RPN2: variants seen among roughly 807,000 people sequenced by gnomAD.
RPN2 encodes ribophorin II, also known as dolichyl-diphosphooligosaccharide--protein glycosyltransferase subunit 2.
Under a neutral mutation model 71.4 loss-of-function variants are expected in RPN2, and 29 were observed. That is an observed-to-expected ratio of 0.41 (90% CI 0.30 to 0.55). The LOEUF (loss-of-function observed/expected upper bound fraction) is 0.55, where lower values mean the gene tolerates loss of function less well. RPN2 is among the 20% of genes least tolerant of loss of function. The pLI, the probability that RPN2 is intolerant of heterozygous loss-of-function variation, is 0.35. For missense variants in RPN2, 726 were observed against 774.1 expected, an observed-to-expected ratio of 0.94 and a Z score of 0.74; for synonymous variants, 308 against 305.0, an observed-to-expected ratio of 1.01 and a Z score of -0.10.
chr20:37,231,388 C>T (rs1227246018), intron 13 of RPN2, among the ~76,000 whole-genome samples: 2 of 151,742 alleles, frequency 1.3e-5, no homozygotes, highest in Non-Finnish European at 1.5e-5. Flanking sequence ...AAAAAAAAAC[C>T]AAGAAATACC....
intron 4 of RPN2, among the ~76,000 whole-genome samples, chr20:37,201,857 T>C (rs1600771979): frequency 6.6e-6 from 1 of 152,282 alleles, no homozygotes; most frequent in Non-Finnish European, 1.5e-5. Flanking sequence ...TTGTCTTGAA[T>C]GGAAAAAAAG....
chr20:37,218,150 G>A (rs899907452), intron 9 of RPN2, among the ~76,000 whole-genome samples: 4 of 152,156 alleles, frequency 2.6e-5, no homozygotes, highest in Non-Finnish European at 4.4e-5. Context: ...GAGCCACCAC[G>A]CTTGTAATCC....
Position 37,207,542 on chromosome 20 carries a change from C to A in RPN2, c.867+93C>A, listed in dbSNP as rs558063882. On this transcript the variant is annotated intron_variant, in intron 7 of 16. Coordinates refer to ENST00000237530, the MANE Select transcript of RPN2 (RefSeq NM_002951.5). ...GGACTATGGTCACAGCCAATTACAG[C>A]CCCTACAAGGACATACCCATTAAAT... 49 of 1,206,342 alleles carry A rather than the reference C, an allele frequency of 4.1e-5. No homozygotes were observed. In the East Asian group the frequency reaches 7.9e-4, roughly 19 times the overall value. 74.7% of individuals were successfully genotyped at this position (1,206,342 alleles called of 1,614,324 possible).
chr20:37,210,608 G>A (rs1238257770), intron 8 of RPN2, among the ~76,000 whole-genome samples: 15 of 147,192 alleles, frequency 1.0e-4, no homozygotes, highest in South Asian at 4.3e-4. Flanking sequence ...TCAGCTCACC[G>A]CAACGTCTGC....
chr20:37,216,346 T>A (rs779386762), intron 9 of RPN2, among the ~76,000 whole-genome samples: 23 of 152,228 alleles, frequency 1.5e-4, no homozygotes, highest in South Asian at 4.1e-4. Context: ...CTCAAAAAAA[T>A]AAATAAATAA....
chr20:37,218,264 A>G (rs556247921), intron 9 of RPN2, among the ~76,000 whole-genome samples: 1 of 152,102 alleles, frequency 6.6e-6, no homozygotes, highest in East Asian at 1.9e-4. Context: ...ATTTAAAAAT[A>G]AATTAGCCAT....
chr20:37,202,860 T>C (rs1049034026), intron 4 of RPN2, among the ~76,000 whole-genome samples: 7 of 152,150 alleles, frequency 4.6e-5, no homozygotes, highest in Admixed American at 1.3e-4. Flanking sequence ...TCCGTAGAGA[T>C]AGAACATAGA....
intron 8 of RPN2, among the ~76,000 whole-genome samples, chr20:37,210,606 C>G (rs1327129333): frequency 6.6e-6 from 1 of 151,098 alleles, no homozygotes; most frequent in Admixed American, 6.6e-5. Context: ...TCTCAGCTCA[C>G]CGCAACGTCT....
chr20:37,199,698 AT>A (rs1445878371), intron 4 of RPN2, among the ~76,000 whole-genome samples: 1 of 152,202 alleles, frequency 6.6e-6, no homozygotes, highest in Admixed American at 6.5e-5. Flanking sequence ...AGGGTGGAGT[AT>A]TCTAGGAATC....
Position 37,198,480 on chromosome 20 carries a change from C to T in RPN2, c.291C>T (p.Leu97=). The change falls in exon 3 of 17, where the codon CTC becomes CTT. Residue 97 remains leucine, a synonymous_variant. Transcript: ENST00000237530. ...LFYAAQASQA[L]SGCEISISNE... is the part of the protein sequence containing the mutation. ...ACGCTGCCCAGGCCAGCCAGGCCCT[C>T]TCAGGATGTGAGGTGAGTCCGGGTT... The T allele has an allele frequency of 6.2e-7, 1 of 1,614,172 alleles. No individual in the cohort carries two copies. The highest frequency in any genetic ancestry group is 8.5e-7 in the Non-Finnish European group (1 of 1,180,030).
At chr20:37,234,534 C>G (rs2068331766) in intron 15 of RPN2, among the ~76,000 whole-genome samples, 1 of 152,214 alleles carries the variant, frequency 6.6e-6, no homozygotes, top group Non-Finnish European at 1.5e-5. Flanking sequence ...GACATGCTAT[C>G]CTGCATCGTT....
rs533012454 is a variant in RPN2, at chr20:37,224,112, A to G, written c.1184+143A>G. 102 of 723,696 alleles carry G rather than the reference A, an allele frequency of 1.4e-4. No individual in the cohort carries two copies. The South Asian group carries it at 1.5e-3, about 10-fold the overall frequency. 44.8% of individuals were successfully genotyped at this position (723,696 alleles called of 1,614,324 possible). A position where few individuals can be genotyped will look rare whatever the true frequency, so the allele number is the denominator to read the frequency against. On this transcript the variant is annotated intron_variant, in intron 10 of 16. Coordinates refer to ENST00000237530, the MANE Select transcript of RPN2 (RefSeq NM_002951.5). ...CCTAAATTAAAGAGTCTGTAGTTCC[A>G]CTGGTCCTGCACCGGGGATTCTGCG...
At chr20:37,197,167 A>T (rs1396684659) in intron 2 of RPN2, among the ~76,000 whole-genome samples, 1 of 152,148 alleles carries the variant, frequency 6.6e-6, no homozygotes, top group Non-Finnish European at 1.5e-5. Flanking sequence ...GGCTATGGTG[A>T]TGCAGGCAGC....
intron 14 of RPN2, among the ~76,000 whole-genome samples, chr20:37,233,380 TAAAC>T (rs1490405426): frequency 6.6e-6 from 1 of 152,198 alleles, no homozygotes; most frequent in Non-Finnish European, 1.5e-5. Context: ...TTTCAAATTA[TAAAC>T]AAACATGAAT....
In RPN2 at chr20:37,234,013, C is replaced by G. The variant is rs369515311; in HGVS notation, c.1678-7C>G. 3.9e-4 allele frequency: 635 copies of G among 1,614,120 alleles called. 10 individuals are homozygous for G. In the South Asian group the frequency reaches 5.4e-3, roughly 14 times the overall value. Reference sequence around the variant, plus strand: ...GCCTTTTTAATTTATTTCTCCCCATCATTCAGTGGATCCGGATTGGTGCCA... The same window carrying G: ...GCCTTTTTAATTTATTTCTCCCCATGATTCAGTGGATCCGGATTGGTGCCA... On this transcript the variant is annotated splice_region_variant and splice_polypyrimidine_tract_variant and intron_variant, in intron 14 of 16. Coordinates refer to ENST00000237530, the MANE Select transcript of RPN2 (RefSeq NM_002951.5).
At chr20:37,238,523 A>C (rs1398239907) in intron 16 of RPN2, 2 of 1,063,310 alleles carry the variant, frequency 1.9e-6, no homozygotes, top group South Asian at 1.3e-5. Context: ...CATGTCAGTT[A>C]TCTCTCTAGT....
At chr20:37,231,825 G>GT (rs1272026002) in intron 13 of RPN2, among the ~76,000 whole-genome samples, 1 of 152,152 alleles carries the variant, frequency 6.6e-6, no homozygotes, top group Non-Finnish European at 1.5e-5. Flanking sequence ...GGGAGGCTCT[G>GT]TTACCTTTTA....
chr20:37,221,265 G>A (rs1367654761), intron 9 of RPN2, among the ~76,000 whole-genome samples: 4 of 145,410 alleles, frequency 2.8e-5, no homozygotes, highest in African/African-American at 1.0e-4. Flanking sequence ...GCATGATCTT[G>A]GCTCACTGCA....
intron 16 of RPN2, among the ~76,000 whole-genome samples, 192 bp downstream of exon 16, chr20:37,236,901 G>A: frequency 6.6e-6 from 1 of 152,180 alleles, no homozygotes; most frequent in Non-Finnish European, 1.5e-5. Context: ...AGCTTTGAAT[G>A]TATTACAACC....
Sources: gnomAD v4.1 joint callset for allele counts (sites outside exome capture counted in the v4.1 genomes callset) on GRCh38, gnomAD v4.1.1 for gene constraint, MANE v1.5 for transcripts, NCBI Gene and HGNC (gene_info 2026-07-23, HGNC 2026-07-21) for gene names.